Variants in DISP1 observed in about 807,000 individuals in gnomAD.
The protein encoded by DISP1 is protein dispatched homolog 1.
Under a neutral mutation model 37.3 loss-of-function variants are expected in DISP1, and 30 were observed. The ratio of observed to expected loss-of-function variants is 0.80; its 90% CI spans 0.60 to 1.09. The LOEUF is 1.09. DISP1 is among the 50% of genes least tolerant of loss of function. The pLI is 0.00. For missense variants in DISP1, 1,598 were observed against 1,879.5 expected, an observed-to-expected ratio of 0.85 and a Z score of 2.77; for synonymous variants, 634 against 690.2, an observed-to-expected ratio of 0.92 and a Z score of 1.28.
At chr1:222,907,827 A>G (rs35597790) in intron 1 of DISP1, among the ~76,000 whole-genome samples, 17,248 of 152,138 alleles carry the variant, frequency 0.11, 1,354 homozygotes, top group Non-Finnish European at 0.16. Context: ...GCACAAGCCT[A>G]TATCCCAGCT....
chr1:222,962,035 C>G (rs1572634440), intron 3 of DISP1, among the ~76,000 whole-genome samples: 1 of 151,784 alleles, frequency 6.6e-6, no homozygotes, highest in East Asian at 1.9e-4. Context: ...GAAGAAAGCC[C>G]CATCGTCTCA....
At chr1:222,951,145 G>A (rs560281261) in intron 3 of DISP1, among the ~76,000 whole-genome samples, 68 of 152,270 alleles carry the variant, frequency 4.5e-4, no homozygotes, top group African/African-American at 1.6e-3. Context: ...AATGCTTGGC[G>A]TAGAGGGAAC....
At chr1:222,948,438 G>A (rs1294813655) in intron 3 of DISP1, among the ~76,000 whole-genome samples, 1 of 152,194 alleles carries the variant, frequency 6.6e-6, no homozygotes, top group Non-Finnish European at 1.5e-5. Flanking sequence ...GGAGAACAGG[G>A]CAGTTTGGGA....
chr1:222,858,906 T>C (rs1462917634), intron 1 of DISP1, among the ~76,000 whole-genome samples: 1 of 152,194 alleles, frequency 6.6e-6, no homozygotes, highest in Non-Finnish European at 1.5e-5. Context: ...AATTCAACCA[T>C]TGTGGAAAAC....
Position 223,002,982 on chromosome 1 carries a change from C to T in DISP1, c.1585C>T (p.Leu529=), listed in dbSNP as rs762688919. Residue 529 remains leucine, a synonymous_variant, in exon 9 of 9, where the codon CTG becomes TTG. Coordinates refer to ENST00000675850, the MANE Select transcript of DISP1 (RefSeq NM_001377229.1). ...CTACACCAAGTCCATGTTTATCACTCTGATGACAATGTTTGCAATAATCAG... is the reference window on the plus strand; with the variant it reads ...CTACACCAAGTCCATGTTTATCACTTTGATGACAATGTTTGCAATAATCAG... ...CVYTKSMFIT[L]MTMFAIISSL... is the part of the protein sequence containing the mutation. 1 of 1,613,868 alleles carries T rather than the reference C, an allele frequency of 6.2e-7. No individual in the cohort carries two copies. Among genetic ancestry groups the T allele is most frequent in the South Asian group, 1.1e-5 (1 of 91,080 alleles).
At chr1:222,947,924 T>C (rs1224542977) in intron 3 of DISP1, among the ~76,000 whole-genome samples, 2 of 152,212 alleles carry the variant, frequency 1.3e-5, no homozygotes, top group East Asian at 3.8e-4. Context: ...ACTTGAACCA[T>C]GATTTAGAAA....
intron 1 of DISP1, among the ~76,000 whole-genome samples, chr1:222,906,533 C>T (rs1032803369): frequency 2.6e-5 from 4 of 152,212 alleles, no homozygotes; most frequent in African/African-American, 9.6e-5. Context: ...GCTGATAAAA[C>T]AGTTGCAGTA....
intron 1 of DISP1, among the ~76,000 whole-genome samples, chr1:222,850,114 AT>A (rs1668138761): frequency 6.6e-6 from 1 of 152,308 alleles, no homozygotes; most frequent in African/African-American, 2.4e-5. Context: ...TTTCTGTGAA[AT>A]TTAAGTGAGT....
In DISP1 at chr1:223,004,091, A is replaced by C; in HGVS notation, c.2694A>C (p.Glu898Asp). 1 of 1,614,190 alleles carries C rather than the reference A, an allele frequency of 6.2e-7. No individual in the cohort carries two copies. Among genetic ancestry groups the C allele is most frequent in the Non-Finnish European group, 8.5e-7 (1 of 1,180,040 alleles). ...TCAAGAGAGCTATCATGGAGCTGGA[A>C]AGGAGTACAGGGTACCATTTGGATA... ...LCIKRAIMELERSTGYHLDSK... is the reference protein window; with the variant it reads ...LCIKRAIMELDRSTGYHLDSK... Residue 898 changes from glutamate to aspartate, a missense_variant, in exon 9 of 9, where the codon GAA becomes GAC. By Grantham distance (45) the Glu-to-Asp change is conservative. Transcript: ENST00000675850. The surrounding 1 kb of genome is among the most constrained non-coding windows in gnomAD (Gnocchi z 4.9).
At chr1:222,992,625 G>C (rs1678778377) in intron 7 of DISP1, among the ~76,000 whole-genome samples, 1 of 152,166 alleles carries the variant, frequency 6.6e-6, no homozygotes, top group South Asian at 2.1e-4. Flanking sequence ...AGTAGAGGTA[G>C]AGAGGTGAAA....
At chr1:222,914,754 G>C (rs1262476313) in intron 1 of DISP1, among the ~76,000 whole-genome samples, 1 of 152,110 alleles carries the variant, frequency 6.6e-6, no homozygotes, top group African/African-American at 2.4e-5. Flanking sequence ...AGCCCAAGAA[G>C]TTCGAGACCA....
At chr1:222,984,604 G>T (rs1470720096) in intron 4 of DISP1, among the ~76,000 whole-genome samples, 3 of 150,816 alleles carry the variant, frequency 2.0e-5, no homozygotes, top group East Asian at 1.9e-4. Flanking sequence ...TATATATGTT[G>T]TATATATAAC....
At chr1:222,979,484 G>A (rs1677671991) in intron 3 of DISP1, 1 of 315,762 alleles carries the variant, frequency 3.2e-6, no homozygotes, top group Admixed American at 3.3e-5. Context: ...ACTCATGAAA[G>A]TACTGAAAAC....
At position 222,875,886 on chromosome 1, in the gene DISP1, T is replaced by TA. The variant is rs1479543011; in HGVS notation, c.-158-52543dup. ...GAAAATAGCATCAGAAAACACTTATTAGATGCCTGTTATGAATTAACATTA... is the reference window on the plus strand; with the variant it reads ...GAAAATAGCATCAGAAAACACTTATTAAGATGCCTGTTATGAATTAACATTA... On this transcript the variant is annotated intron_variant, in intron 1 of 8. Coordinates refer to ENST00000675850, the MANE Select transcript of DISP1 (RefSeq NM_001377229.1). Among the ~76,000 whole-genome samples, 3 of 151,186 alleles carry TA rather than the reference T, an allele frequency of 2.0e-5. No individual in the cohort carries two copies. The East Asian group carries it at 5.8e-4, about 29-fold the overall frequency.
chr1:222,952,857 C>CAAAG (rs981130558), intron 3 of DISP1, among the ~76,000 whole-genome samples: 8 of 151,542 alleles, frequency 5.3e-5, no homozygotes, highest in Admixed American at 4.6e-4. Flanking sequence ...ACAAAACAAA[C>CAAAG]AAACAAACAA....
At chr1:222,886,944 A>G (rs1009151827) in intron 1 of DISP1, among the ~76,000 whole-genome samples, 7 of 152,212 alleles carry the variant, frequency 4.6e-5, no homozygotes, top group African/African-American at 1.7e-4. Context: ...GATGTCATGC[A>G]TCTCTCAGAA....
chr1:222,841,486 A>G (rs144420735), intron 1 of DISP1, among the ~76,000 whole-genome samples: 130 of 152,326 alleles, frequency 8.5e-4, no homozygotes, highest in African/African-American at 3.0e-3. Flanking sequence ...GGACTTCTTG[A>G]ACTCATGTCT....
intron 1 of DISP1, among the ~76,000 whole-genome samples, chr1:222,831,196 G>A (rs1050220361): frequency 1.3e-5 from 2 of 152,038 alleles, no homozygotes; most frequent in Non-Finnish European, 2.9e-5. Flanking sequence ...TTAAAAACTG[G>A]GTTCTGTCAA....
In DISP1 at chr1:222,963,725, T is replaced by G. The variant is rs368636776; in HGVS notation, c.510-19355T>G. 2.2e-3 allele frequency among the ~76,000 whole-genome samples: 330 copies of G among 149,318 alleles called. 2 individuals carry two copies. The highest frequency in any genetic ancestry group is 7.5e-3 in the African/African-American group (305 of 40,418). On this transcript the variant is annotated intron_variant, in intron 3 of 8. Transcript: ENST00000675850. Reference sequence around the variant, plus strand: ...ATGGGAGTTGAACAATGAGAACACATGGACACTGGGGGGGAACAACACACA... The same window carrying G: ...ATGGGAGTTGAACAATGAGAACACAGGGACACTGGGGGGGAACAACACACA...
Sources: gnomAD v4.1 joint callset for allele counts (sites outside exome capture counted in the v4.1 genomes callset) on GRCh38, gnomAD v4.1.1 for gene constraint, Gnocchi (gnomAD v3.1) non-coding constraint, MANE v1.5 for transcripts, NCBI Gene and HGNC (gene_info 2026-07-23, HGNC 2026-07-21) for gene names.